The following APC variants were observed in gnomAD, a reference collection of about 807,000 sequenced individuals.
The protein encoded by APC is adenomatous polyposis coli protein.
In APC, 72 loss-of-function variants were observed where a neutral mutation model predicts 247.0. That is an observed-to-expected ratio of 0.29 (90% CI 0.24 to 0.35). The LOEUF is 0.35. Among genes scored for constraint, APC ranks in the 10% least tolerant of loss-of-function variants. The pLI, the probability that APC is intolerant of heterozygous loss-of-function variation, is 1.00. For missense variants in APC, 3,400 were observed against 3,360.7 expected, an observed-to-expected ratio of 1.01 and a Z score of -0.29; for synonymous variants, 1,254 against 1,162.5, an observed-to-expected ratio of 1.08 and a Z score of -1.60.
chr5:112,737,370 T>G (rs1385410681), upstream of APC, among the ~76,000 whole-genome samples: 2 of 152,168 alleles, frequency 1.3e-5, no homozygotes, highest in Admixed American at 6.5e-5. Flanking sequence ...TAGCATAGCT[T>G]TTCTGGTAAC....
At chr5:112,813,659 T>C (rs531741895) in intron 8 of APC, among the ~76,000 whole-genome samples, 1 of 152,050 alleles carries the variant, frequency 6.6e-6, no homozygotes, top group South Asian at 2.1e-4. Context: ...GGCTCGTGCC[T>C]GTAGTCCCGG....
intron 7 of APC, among the ~76,000 whole-genome samples, chr5:112,799,320 A>G (rs1301598464): frequency 2.6e-5 from 4 of 152,086 alleles, no homozygotes; most frequent in Non-Finnish European, 4.4e-5. Flanking sequence ...AGTATTACCT[A>G]TCTCTGTGAG....
At chr5:112,722,904 T>C (rs1023067134) in intron 1 of APC, among the ~76,000 whole-genome samples, 2 of 152,034 alleles carry the variant, frequency 1.3e-5, no homozygotes, top group Admixed American at 6.6e-5. Context: ...TTGACAACCA[T>C]GTAGAAATGT....
chr5:112,715,857 A>T (rs1243014097), intron 1 of APC, among the ~76,000 whole-genome samples: 3 of 152,156 alleles, frequency 2.0e-5, no homozygotes, highest in Admixed American at 2.0e-4. Flanking sequence ...TCTTGTGATT[A>T]TTTTTTATAA....
In APC at chr5:112,789,365, A is replaced by G. The variant is rs185603174; in HGVS notation, c.646-3081A>G. Among the ~76,000 whole-genome samples, 290 of 152,216 alleles carry G rather than the reference A, an allele frequency of 1.9e-3. 1 individual carries two copies. In the Middle Eastern group the frequency reaches 0.037, roughly 20 times the overall value. ...AGCATTTTGGGTTTTGGATTTTTGTATTAGGTATAGGGATTAGGAATACTC... is the reference window on the plus strand; with the variant it reads ...AGCATTTTGGGTTTTGGATTTTTGTGTTAGGTATAGGGATTAGGAATACTC... On this transcript the variant is annotated intron_variant, in intron 6 of 15. Coordinates refer to ENST00000257430, the MANE Select transcript of APC (RefSeq NM_000038.6).
intron 1 of APC, among the ~76,000 whole-genome samples, chr5:112,752,955 C>T (rs1311513242): frequency 2.0e-5 from 3 of 152,136 alleles, no homozygotes; most frequent in African/African-American, 7.2e-5. Context: ...AGTCTCTGCT[C>T]ATCTTGCCCA....
intron 1 of APC, among the ~76,000 whole-genome samples, chr5:112,712,559 CTTTT>C (rs1044831987): frequency 7.1e-6 from 1 of 140,766 alleles, no homozygotes. Context: ...ACACCCAGCC[CTTTT>C]TTTTTTTTTT....
At chr5:112,770,736 T>C (rs1756944551) in intron 4 of APC, among the ~76,000 whole-genome samples, 1 of 152,142 alleles carries the variant, frequency 6.6e-6, no homozygotes, top group Non-Finnish European at 1.5e-5. Context: ...TTGCTAGTAT[T>C]GGACATGACT....
intron 7 of APC, among the ~76,000 whole-genome samples, chr5:112,795,825 A>G (rs901846805): frequency 6.6e-6 from 1 of 152,218 alleles, no homozygotes; most frequent in African/African-American, 2.4e-5. Flanking sequence ...AGAAAAATGA[A>G]TTTTTTCAAC....
chr5:112,752,828 C>A (rs1485001773), intron 1 of APC, among the ~76,000 whole-genome samples: 3 of 151,862 alleles, frequency 2.0e-5, no homozygotes, highest in Non-Finnish European at 4.4e-5. Flanking sequence ...CTTTCTAGAG[C>A]AGAAAGAACT....
chr5:112,746,760 A>G (rs1193578248), intron 1 of APC, among the ~76,000 whole-genome samples: 5 of 152,334 alleles, frequency 3.3e-5, no homozygotes, highest in Non-Finnish European at 2.9e-5. Context: ...AAAATCGAGA[A>G]TAAGATAGTT....
intron 2 of APC, among the ~76,000 whole-genome samples, chr5:112,758,378 G>A (rs1304063206): frequency 6.6e-6 from 1 of 152,186 alleles, no homozygotes; most frequent in East Asian, 1.9e-4. Flanking sequence ...GGGCTCTGGT[G>A]TGCAGTGGGG....
chr5:112,806,500 G>A (rs1761396423), intron 8 of APC, among the ~76,000 whole-genome samples: 1 of 152,058 alleles, frequency 6.6e-6, no homozygotes, highest in South Asian at 2.1e-4. Context: ...CCAGATCCCT[G>A]CTTGCTTAGC....
In APC at chr5:112,776,386, A is replaced by G. The variant is rs879195083; in HGVS notation, c.531+649A>G. On this transcript the variant is annotated intron_variant, in intron 5 of 15. Coordinates refer to ENST00000257430, the MANE Select transcript of APC (RefSeq NM_000038.6). ...GAGTAAAGAAAAAACATGCAAGTCA[A>G]TAGTTTAGATTACAGAAGTTTGTTC... Among the ~76,000 whole-genome samples the G allele has an allele frequency of 4.6e-5, 7 of 152,326 alleles. No individual in the cohort carries two copies. In the South Asian group the frequency reaches 8.3e-4, roughly 18 times the overall value.
intron 4 of APC, among the ~76,000 whole-genome samples, chr5:112,774,423 A>AGGGATACT (rs1757376615): frequency 6.6e-6 from 1 of 151,616 alleles, no homozygotes; most frequent in African/African-American, 2.4e-5. Context: ...ATTTTGAATA[A>AGGGATACT]GGGATACTCA....
In APC at chr5:112,839,504, A is replaced by G. The variant is rs770157475; in HGVS notation, c.3910A>G (p.Ile1304Val). Residue 1304 changes from isoleucine to valine, a missense_variant, in exon 16 of 16, where the codon ATA (isoleucine) becomes GTA (valine). Ile to Val is a conservative substitution (Grantham distance 29, BLOSUM62 3). Around this residue, in one of 9 missense-constraint regions of APC, gnomAD observed 715 missense variants for 656.6 expected, o/e 1.09. Coordinates refer to ENST00000257430, the MANE Select transcript of APC (RefSeq NM_000038.6). This position sits in a 1 kb window ranked among gnomAD's most constrained non-coding sequence, Gnocchi z 5.0. The part of the protein sequence containing the change: ...QEADSANTLQ[I>V]AEIKEKIGTR... Reference sequence around the variant, plus strand: ...AGCAGATTCTGCTAATACCCTGCAAATAGCAGAAATAAAAGAAAAGATTGG... The same window carrying G: ...AGCAGATTCTGCTAATACCCTGCAAGTAGCAGAAATAAAAGAAAAGATTGG... 3.1e-6 allele frequency: 5 copies of G among 1,614,134 alleles called. No individual in the cohort carries two copies. Among genetic ancestry groups the G allele is most frequent in the South Asian group, 1.1e-5 (1 of 91,096 alleles).
At position 112,730,464 on chromosome 5, in the gene APC, A is replaced by T. The variant is rs143809715; in HGVS notation, c.165+22582A>T. 2.9e-3 allele frequency among the ~76,000 whole-genome samples: 446 copies of T among 152,352 alleles called. 2 individuals carry two copies. Among genetic ancestry groups the T allele is most frequent in the African/African-American group, 0.01 (429 of 41,578 alleles). ...TGTTGGGTGAATTTGGATACTTTTT[A>T]AAATTTCTTTGAGCCTCAATTTTCC... On this transcript the variant is annotated intron_variant, in intron 1 of 13. Coordinates refer to the APC transcript ENST00000507379.
At position 112,841,494 on chromosome 5, in the gene APC, C is replaced by G. The variant is rs1561603538; in HGVS notation, c.5900C>G (p.Ser1967Cys). The change falls in exon 16 of 16, where the codon TCC becomes TGC. Residue 1967 changes from serine to cysteine, a missense_variant. Coordinates refer to ENST00000257430, the MANE Select transcript of APC (RefSeq NM_000038.6). The surrounding 1 kb of genome is among the most constrained non-coding windows in gnomAD (Gnocchi z 4.6). ...ACTCCGGTTTGCTTTTCTCATAATT[C>G]CTCTCTGAGTTCTCTCAGTGACATT... is the stretch of plus-strand genomic sequence containing the variant. Reference protein sequence around the residue: ...ENTPVCFSHNSSLSSLSDIDQ... With the variant: ...ENTPVCFSHNCSLSSLSDIDQ... 6.2e-7 allele frequency: 1 copy of G among 1,613,298 alleles called. No homozygotes were observed. Among genetic ancestry groups the G allele is most frequent in the Non-Finnish European group, 8.5e-7 (1 of 1,179,288 alleles).
At chr5:112,754,377 A>T (rs1174171140) in intron 1 of APC, among the ~76,000 whole-genome samples, 2 of 152,164 alleles carry the variant, frequency 1.3e-5, no homozygotes, top group Non-Finnish European at 2.9e-5. Flanking sequence ...ACCATGGAGG[A>T]TGTGTAAGAT....
Sources: allele counts gnomAD v4.1 joint callset (sites outside exome capture counted in the v4.1 genomes callset), GRCh38; gene constraint gnomAD v4.1.1; regional missense constraint gnomAD v4.1.1; non-coding constraint Gnocchi (gnomAD v3.1); transcripts MANE v1.5; gene names NCBI Gene and HGNC (gene_info 2026-07-23, HGNC 2026-07-21).